CYTH4: variants seen among roughly 807,000 people sequenced by gnomAD.
The protein encoded by CYTH4 is cytohesin-4.
A neutral mutation model predicts 57.5 loss-of-function variants in CYTH4; 22 were observed. The ratio of observed to expected loss-of-function variants is 0.38; its 90% confidence interval spans 0.27 to 0.55. CYTH4 has a LOEUF of 0.55. Ranked by LOEUF, CYTH4 falls within the 20% of genes least tolerant of loss-of-function variation. The pLI is 0.74. For missense variants in CYTH4, 420 were observed against 535.6 expected (o/e 0.78, Z 2.13); for synonymous variants, 186 against 206.5 (o/e 0.90, Z 0.85).
At position 37,311,047 on chromosome 22, in the gene CYTH4, T is replaced by TAC; in HGVS notation, c.869_870dup (p.Phe291ThrfsTer118). 6.2e-7 allele frequency: 1 copy of TAC among 1,614,198 alleles called. No homozygotes were observed. Among genetic ancestry groups the TAC allele is most frequent in the Non-Finnish European group, 8.5e-7 (1 of 1,180,032 alleles). On this transcript the variant is annotated frameshift_variant, in exon 10 of 13. Coordinates refer to ENST00000248901, the MANE Select transcript of CYTH4 (RefSeq NM_013385.5). LOFTEE classifies it high-confidence loss of function. This position sits in a 1 kb window ranked among gnomAD's most constrained non-coding sequence, Gnocchi z 4.4. ...CATCCTGACCGACAACTGCCTCTAC[T>TAC]ACTTCGAGTTCACCACTGTGAGCAG... is the stretch of plus-strand genomic sequence containing the variant.
chr22:37,297,845 G>A, intron 5 of CYTH4, 163 bp downstream of exon 5: 1 of 596,680 alleles, frequency 1.7e-6, no homozygotes, highest in Non-Finnish European at 3.0e-6. Flanking sequence ...GTCAAAGCCT[G>A]ACTGCCTTCA....
At chr22:37,299,354 C>T (rs373926797) in intron 6 of CYTH4, 48 bp downstream of exon 6, 1 of 1,543,988 alleles carries the variant, frequency 6.5e-7, no homozygotes, top group Non-Finnish European at 8.9e-7. Context: ...TGGCACAGCC[C>T]CAGTGGCTGG....
intron 9 of CYTH4, chr22:37,309,829 G>C (rs1005014015): frequency 1.9e-5 from 6 of 317,788 alleles, no homozygotes; most frequent in Admixed American, 8.9e-5. Flanking sequence ...ATGTGGCTTA[G>C]GGGGAGGCTC....
In CYTH4 at chr22:37,310,909, G is replaced by A. The variant is rs548884809; in HGVS notation, c.809-79G>A. The A allele has an allele frequency of 3.5e-5, 52 of 1,504,682 alleles. 1 individual carries two copies. The South Asian group carries it at 4.7e-4, about 14-fold the overall frequency. 93.2% of individuals were successfully genotyped at this position (1,504,682 alleles called of 1,614,324 possible). On this transcript the variant is annotated intron_variant, in intron 9 of 12. Coordinates refer to ENST00000248901, the MANE Select transcript of CYTH4 (RefSeq NM_013385.5). ...GCTGGGGGTCCAGGGGAAAGCATCC[G>A]AGGACCTGCCCTTCCCTGGAGGAGG...
chr22:37,300,880 CTGCCCG>C lies in CYTH4; in HGVS notation c.435-24_435-19del, dbSNP rs754721628. The C allele has an allele frequency of 1.9e-6, 3 of 1,604,702 alleles. No homozygotes were observed. The African/African-American group carries it at 4.0e-5, about 21-fold the overall frequency. The stretch of plus-strand genomic sequence containing the variant: ...GGCCCGCGAGGGCCCACCCACTCCA[CTGCCCG>C]TGGCCCCGTTTCTCCCCCAGGCAGT... On this transcript the variant is annotated intron_variant, in intron 6 of 12. Coordinates refer to ENST00000248901, the MANE Select transcript of CYTH4 (RefSeq NM_013385.5).
intron 1 of CYTH4, among the ~76,000 whole-genome samples, chr22:37,291,114 G>A (rs1256500085): frequency 1.3e-5 from 2 of 152,262 alleles, no homozygotes; most frequent in South Asian, 2.1e-4. Context: ...TTTCACAGAT[G>A]AGGATGCTGT....
chr22:37,301,069 C>T lies in CYTH4; in HGVS notation c.547+50C>T, dbSNP rs144344285. 602 of 1,517,458 alleles carry T rather than the reference C, an allele frequency of 4.0e-4. 4 individuals are homozygous for T. In the African/African-American group the frequency reaches 7.4e-3, roughly 19 times the overall value. 94.0% of individuals were successfully genotyped at this position (1,517,458 alleles called of 1,614,324 possible). ...GGGCTCCGGGACCCCTTCAGCATTG[C>T]CAGGCATAGATTTCACAGACCCCCT... On this transcript the variant is annotated intron_variant, in intron 7 of 12. Transcript: ENST00000248901.
chr22:37,283,528 G>A (rs1222464089), intron 1 of CYTH4, among the ~76,000 whole-genome samples: 2 of 152,126 alleles, frequency 1.3e-5, no homozygotes, highest in East Asian at 3.9e-4. Flanking sequence ...CTAATGTGGA[G>A]CAGCCTGGCC....
chr22:37,289,876 G>A (rs765826380), intron 1 of CYTH4, among the ~76,000 whole-genome samples: 4 of 152,152 alleles, frequency 2.6e-5, no homozygotes, highest in Non-Finnish European at 5.9e-5. Flanking sequence ...CCTCCCGACC[G>A]GGGAAGTGCT....
intron 6 of CYTH4, 66 bp from the exon 7 acceptor site, chr22:37,300,841 G>A (rs979099670): frequency 2.7e-5 from 36 of 1,324,862 alleles, no homozygotes; most frequent in Admixed American, 2.0e-4. Flanking sequence ...GGAGAGGCAG[G>A]GCAGCTTGTC....
At chr22:37,296,198 A>G in intron 4 of CYTH4, 133 bp downstream of exon 4, 1 of 989,934 alleles carries the variant, frequency 1.0e-6, no homozygotes, top group South Asian at 1.6e-5. Flanking sequence ...AGAGCTGAGC[A>G]TCTTGTCCAG....
intron 4 of CYTH4, among the ~76,000 whole-genome samples, chr22:37,296,970 G>A (rs4820281): frequency 0.49 from 75,175 of 152,012 alleles, 20,864 homozygotes; most frequent in South Asian, 0.78. Flanking sequence ...GTGGTGAGGA[G>A]AGGTGCTTGT....
intron 8 of CYTH4, 76 bp from the exon 9 acceptor site, chr22:37,309,136 A>G: frequency 1.5e-6 from 2 of 1,326,040 alleles, no homozygotes; most frequent in African/African-American, 1.4e-5. Context: ...TCAAGGCCAC[A>G]CAGGCCAGGC....
chr22:37,308,141 G>A (rs771088784), intron 8 of CYTH4, among the ~76,000 whole-genome samples: 1 of 152,186 alleles, frequency 6.6e-6, no homozygotes, highest in Non-Finnish European at 1.5e-5. Flanking sequence ...CCCTCAGCTG[G>A]GCCTCTCAAC....
intron 2 of CYTH4, 54 bp from the exon 3 acceptor site, chr22:37,294,606 G>C: frequency 6.2e-7 from 1 of 1,604,598 alleles, no homozygotes; most frequent in Non-Finnish European, 8.5e-7. Context: ...TCAAACCCCC[G>C]GGGTTCTGGC....
At chr22:37,283,145 CG>C (rs1928426427) in intron 1 of CYTH4, among the ~76,000 whole-genome samples, 1 of 151,554 alleles carries the variant, frequency 6.6e-6, no homozygotes, top group Non-Finnish European at 1.5e-5. Context: ...TTTTGGCCCC[CG>C]GGGGTTGGGG....
At chr22:37,286,279 G>A (rs950569999) in intron 1 of CYTH4, among the ~76,000 whole-genome samples, 1 of 152,230 alleles carries the variant, frequency 6.6e-6, no homozygotes, top group Non-Finnish European at 1.5e-5. Context: ...GATGGACCCA[G>A]ATGTGAATCC....
At chr22:37,288,540 C>G (rs1342217803) in intron 1 of CYTH4, among the ~76,000 whole-genome samples, 1 of 151,274 alleles carries the variant, frequency 6.6e-6, no homozygotes, top group Non-Finnish European at 1.5e-5. Context: ...GAGCCAAGAT[C>G]ATGTCACTGC....
At chr22:37,294,975 C>A (rs993150294) in intron 3 of CYTH4, among the ~76,000 whole-genome samples, 13 of 152,118 alleles carry the variant, frequency 8.5e-5, no homozygotes, top group African/African-American at 3.1e-4. Flanking sequence ...CAAAGTCTCT[C>A]CTGACCCACT....
Sources: gnomAD v4.1 joint callset for allele counts (sites outside exome capture counted in the v4.1 genomes callset) on GRCh38, gnomAD v4.1.1 for gene constraint, Gnocchi (gnomAD v3.1) non-coding constraint, MANE v1.5 for transcripts, NCBI Gene and HGNC (gene_info 2026-07-23, HGNC 2026-07-21) for gene names.